Variants in INPP4B observed in about 807,000 individuals in gnomAD.
INPP4B encodes inositol polyphosphate 4-phosphatase type II.
In INPP4B, 55 loss-of-function variants were observed where a neutral mutation model predicts 122.5. The observed-to-expected ratio is 0.45, with a 90% CI of 0.36 to 0.56. The LOEUF is 0.56. Ranked by LOEUF, INPP4B falls within the 20% of genes least tolerant of loss-of-function variation. The pLI is 0.00. For synonymous variants in INPP4B, 403 were observed against 388.7 expected (o/e 1.04, Z -0.43); for missense variants, 1,000 against 1,097.7 (o/e 0.91, Z 1.26).
chr4:142,692,292 G>A (rs1015338384), intron 2 of INPP4B, among the ~76,000 whole-genome samples: 2 of 152,084 alleles, frequency 1.3e-5, no homozygotes, highest in Admixed American at 1.3e-4. Context: ...AATAAATATT[G>A]AGGATAAAAA....
chr4:142,184,538 T>C (rs1239405504), intron 15 of INPP4B, among the ~76,000 whole-genome samples: 1 of 152,214 alleles, frequency 6.6e-6, no homozygotes, highest in Non-Finnish European at 1.5e-5. Flanking sequence ...TTTATTCTTA[T>C]GGCAGGCAAC....
chr4:142,637,160 T>C (rs1190553100), intron 2 of INPP4B, among the ~76,000 whole-genome samples: 1 of 152,178 alleles, frequency 6.6e-6, no homozygotes, highest in African/African-American at 2.4e-5. Flanking sequence ...ACCACAATGG[T>C]ACATTTGTTA....
intron 10 of INPP4B, among the ~76,000 whole-genome samples, chr4:142,268,339 A>AAAAAAAAAAAAAAAAAAAAAAAAAAAAAG (rs1743965932): frequency 7.0e-6 from 1 of 142,790 alleles, no homozygotes; most frequent in Non-Finnish European, 1.5e-5. Flanking sequence ...AAAAAAAAAA[A>AAAAAAAAAAAAAAAAAAAAAAAAAAAAAG]AAAAAAATGA....
chr4:142,648,496 A>G (rs1021587026), intron 2 of INPP4B, among the ~76,000 whole-genome samples: 1 of 152,234 alleles, frequency 6.6e-6, no homozygotes, highest in South Asian at 2.1e-4. Flanking sequence ...GGTCTTAGCA[A>G]CAAGCAGACA....
At chr4:142,829,990 A>G (rs550555693) in intron 1 of INPP4B, among the ~76,000 whole-genome samples, 46 of 152,184 alleles carry the variant, frequency 3.0e-4, no homozygotes, top group Non-Finnish European at 7.3e-5. Context: ...GATGTTTAAG[A>G]ATAAATCTGG....
chr4:142,290,950 T>A (rs1277029675), intron 9 of INPP4B, among the ~76,000 whole-genome samples: 1 of 152,162 alleles, frequency 6.6e-6, no homozygotes, highest in African/African-American at 2.4e-5. Flanking sequence ...AGGCACTAGT[T>A]CAATTTTTTT....
Position 142,023,504 on chromosome 4 carries a change from C to G in INPP4B, c.*5278G>C, listed in dbSNP as rs980154958. On this transcript the variant is annotated 3_prime_UTR_variant, in exon 26 of 26. Coordinates refer to ENST00000262992, the MANE Select transcript of INPP4B (RefSeq NM_001101669.3). The stretch of plus-strand genomic sequence containing the variant: ...GAGTGCCCATACAGTTATATGCAAA[C>G]TTTTGAAAGTTTCATAGTTGTTTAA... 1 of 152,156 alleles carries G rather than the reference C, an allele frequency of 6.6e-6. No homozygotes were observed. Among genetic ancestry groups the G allele is most frequent in the East Asian group, 1.9e-4 (1 of 5,184 alleles). The allele number at this position is 152,156 out of a possible 1,614,324, so 9.4% of individuals were successfully genotyped here.
At chr4:142,801,273 T>C (rs1777974031) in intron 1 of INPP4B, among the ~76,000 whole-genome samples, 1 of 152,164 alleles carries the variant, frequency 6.6e-6, no homozygotes, top group Non-Finnish European at 1.5e-5. Context: ...TATCCTCCCA[T>C]CCTAAAAACA....
At chr4:142,326,731 T>C (rs1772529832) in intron 7 of INPP4B, among the ~76,000 whole-genome samples, 1 of 152,176 alleles carries the variant, frequency 6.6e-6, no homozygotes, top group South Asian at 2.1e-4. Flanking sequence ...GTAAAACTTA[T>C]AGTTGATATA....
chr4:142,391,796 T>C (rs1325251574), intron 7 of INPP4B, among the ~76,000 whole-genome samples: 1 of 152,188 alleles, frequency 6.6e-6, no homozygotes, highest in East Asian at 1.9e-4. Context: ...GTTTGGTTTG[T>C]CAACCCATAT....
In INPP4B at chr4:142,451,656, G is replaced by A. The variant is rs151109815; in HGVS notation, c.-127+11007C>T. ...CTTTTATTGCTTCTTTAAATTATAG[G>A]ATGGCCTTTTGGAGATCACAATCCC... On this transcript the variant is annotated intron_variant, in intron 3 of 25. Coordinates refer to ENST00000262992, the MANE Select transcript of INPP4B (RefSeq NM_001101669.3). 5.3e-5 allele frequency among the ~76,000 whole-genome samples: 8 copies of A among 152,212 alleles called. No individual in the cohort carries two copies. The South Asian group carries it at 6.2e-4, about 12-fold the overall frequency.
intron 3 of INPP4B, among the ~76,000 whole-genome samples, chr4:142,459,962 C>T (rs1816367186): frequency 6.6e-6 from 1 of 152,130 alleles, no homozygotes; most frequent in Admixed American, 6.5e-5. Context: ...AAGTCTTTGC[C>T]TGCAGTGTAC....
Position 142,565,538 on chromosome 4 carries a change from CTTGTTTCTAAGTTAAGGAATTA to C in INPP4B, c.-190-102834_-190-102813del, listed in dbSNP as rs1731447715. Among the ~76,000 whole-genome samples, 13 of 152,248 alleles carry C rather than the reference CTTGTTTCTAAGTTAAGGAATTA, an allele frequency of 8.5e-5. No homozygotes were observed. In the South Asian group the frequency reaches 2.7e-3, roughly 32 times the overall value. On this transcript the variant is annotated intron_variant, in intron 2 of 25. Transcript: ENST00000262992. ...ACTTTTCCTTACTATAAAACTACAA[CTTGTTTCTAAGTTAAGGAATTA>C]TTGAACCAGAAAATTACCATTTGGC...
chr4:142,405,845 A>G (rs980805064), intron 5 of INPP4B, among the ~76,000 whole-genome samples: 1 of 152,034 alleles, frequency 6.6e-6, no homozygotes, highest in African/African-American at 2.4e-5. Context: ...CTCAACCACA[A>G]CAGCACACAA....
intron 2 of INPP4B, among the ~76,000 whole-genome samples, chr4:142,624,471 C>T (rs531239758): frequency 2.4e-3 from 372 of 151,904 alleles, no homozygotes; most frequent in African/African-American, 8.3e-3. Flanking sequence ...GATATTAGCC[C>T]TTTGTCAGAT....
chr4:142,524,725 A>C (rs533501793), intron 2 of INPP4B, among the ~76,000 whole-genome samples: 5,093 of 151,766 alleles, frequency 0.034, 41 homozygotes, highest in Non-Finnish European at 0.051. Context: ...TTAGGTATTG[A>C]CGGGACGTAT....
At chr4:142,404,300 G>A (rs911948839) in intron 6 of INPP4B, among the ~76,000 whole-genome samples, 1 of 152,170 alleles carries the variant, frequency 6.6e-6, no homozygotes, top group South Asian at 2.1e-4. Context: ...TCAGCCCTGA[G>A]CTAGCCAGGT....
intron 2 of INPP4B, among the ~76,000 whole-genome samples, chr4:142,498,301 A>G (rs960167739): frequency 6.6e-6 from 1 of 151,838 alleles, no homozygotes; most frequent in Non-Finnish European, 1.5e-5. Flanking sequence ...CAAGCAACAC[A>G]TGATCACAAC....
intron 2 of INPP4B, among the ~76,000 whole-genome samples, chr4:142,539,705 A>G (rs751220163): frequency 6.6e-6 from 1 of 152,042 alleles, no homozygotes; most frequent in Non-Finnish European, 1.5e-5. Context: ...CTGATGTTAC[A>G]TATTTTGTTG....
Sources: allele counts gnomAD v4.1 joint callset (sites outside exome capture counted in the v4.1 genomes callset), GRCh38; gene constraint gnomAD v4.1.1; transcripts MANE v1.5; gene names NCBI Gene and HGNC (gene_info 2026-07-23, HGNC 2026-07-21).